The following TMTC1 variants were observed in gnomAD, a reference collection of about 807,000 sequenced individuals.
The protein encoded by TMTC1 is transmembrane O-mannosyltransferase targeting cadherins 1, also known as protein O-mannosyl-transferase TMTC1.
A neutral mutation model predicts 104.8 loss-of-function variants in TMTC1; 73 were observed. The ratio of observed to expected loss-of-function variants is 0.70; its 90% CI spans 0.58 to 0.85. The LOEUF (loss-of-function observed/expected upper bound fraction) is 0.85. Ranked by LOEUF, TMTC1 falls within the 40% of genes least tolerant of loss-of-function variation. The pLI is 0.00. For missense variants in TMTC1, 1,035 were observed against 1,096.1 expected (o/e 0.94, Z 0.79); for synonymous variants, 434 against 428.7 (o/e 1.01, Z -0.15).
At chr12:29,517,668 C>A in intron 13 of TMTC1, 97 bp from the exon 14 acceptor site, 1 of 1,409,004 alleles carries the variant, frequency 7.1e-7, no homozygotes, top group East Asian at 2.3e-5. Context: ...ATGGTTTGAA[C>A]CTCTGCTCCA....
At chr12:29,637,976 C>G (rs8181617) in intron 5 of TMTC1, among the ~76,000 whole-genome samples, 152,176 of 152,304 alleles carry the variant, frequency 1, 76,026 homozygotes, top group Middle Eastern at 1. Context: ...CTTAGGAAGG[C>G]CATTTGCCAC....
At chr12:29,726,053 G>T (rs931707011) in intron 5 of TMTC1, among the ~76,000 whole-genome samples, 21 of 152,114 alleles carry the variant, frequency 1.4e-4, no homozygotes, top group African/African-American at 4.6e-4. Context: ...TGACTGAGTT[G>T]GTTGCCAAGT....
At chr12:29,584,598 C>T (rs61922184) in intron 7 of TMTC1, among the ~76,000 whole-genome samples, 11 of 151,998 alleles carry the variant, frequency 7.2e-5, no homozygotes, top group Non-Finnish European at 1.2e-4. Flanking sequence ...CCCGCTTCCC[C>T]GACCCCACAA....
At chr12:29,629,627 AG>A (rs572522780) in intron 6 of TMTC1, among the ~76,000 whole-genome samples, 13 of 152,322 alleles carry the variant, frequency 8.5e-5, no homozygotes, top group African/African-American at 3.1e-4. Context: ...GCAAATTCAT[AG>A]AGACAGAAAG....
intron 5 of TMTC1, among the ~76,000 whole-genome samples, chr12:29,719,791 G>A (rs1489398557): frequency 6.6e-6 from 1 of 152,158 alleles, no homozygotes; most frequent in Non-Finnish European, 1.5e-5. Context: ...TGGTTTCTGA[G>A]AACTACTTAG....
In TMTC1 at chr12:29,504,148, G is replaced by A. The variant is rs1943650907; in HGVS notation, c.*2698C>T. The A allele has an allele frequency of 6.6e-6, 1 of 151,754 alleles. No homozygotes were observed. The highest frequency in any genetic ancestry group is 2.1e-4 in the South Asian group (1 of 4,796). 9.4% of individuals were successfully genotyped at this position (151,754 alleles called of 1,614,324 possible). ...ATTCAACTGAGCTCGGGGTGCTTCT[G>A]TATGCAAGGCCCTGTGGGACTGCAA... On this transcript the variant is annotated 3_prime_UTR_variant, in exon 18 of 18. Coordinates refer to ENST00000539277, the MANE Select transcript of TMTC1 (RefSeq NM_001193451.2).
chr12:29,754,668 T>C (rs1943173422), intron 4 of TMTC1, among the ~76,000 whole-genome samples: 1 of 152,138 alleles, frequency 6.6e-6, no homozygotes, highest in Non-Finnish European at 1.5e-5. Flanking sequence ...GGCTCACGGT[T>C]TTCTTGGCAC....
chr12:29,664,186 C>CA (rs1282668073), intron 5 of TMTC1, among the ~76,000 whole-genome samples: 7 of 127,174 alleles, frequency 5.5e-5, no homozygotes, highest in South Asian at 2.4e-4. Flanking sequence ...GACTCCGTCT[C>CA]AAAAAAATAA....
intron 5 of TMTC1, among the ~76,000 whole-genome samples, chr12:29,704,547 C>T (rs1034094709): frequency 3.3e-5 from 5 of 152,214 alleles, no homozygotes; most frequent in African/African-American, 1.2e-4. Context: ...AATCAAAACC[C>T]AGAAACCTCT....
At chr12:29,665,075 T>A (rs1048096354) in intron 5 of TMTC1, among the ~76,000 whole-genome samples, 1 of 152,152 alleles carries the variant, frequency 6.6e-6, no homozygotes, top group African/African-American at 2.4e-5. Flanking sequence ...GTCTAAAATA[T>A]TGTGATCCTT....
chr12:29,512,282 TTGA>T (rs1489551914), intron 16 of TMTC1, among the ~76,000 whole-genome samples, 162 bp from the exon 17 acceptor site: 1 of 152,212 alleles, frequency 6.6e-6, no homozygotes, highest in Non-Finnish European at 1.5e-5. Flanking sequence ...TTTTTCAAAG[TTGA>T]TGATTCTAAA....
In TMTC1 at chr12:29,767,981, A is replaced by C; in HGVS notation, c.397T>G (p.Cys133Gly). Residue 133 changes from cysteine (C) to glycine (G), a missense_variant, in exon 2 of 18, where the codon TGT (cysteine) becomes GGT (glycine). Cys to Gly is a radical substitution (Grantham distance 159). Coordinates refer to ENST00000539277, the MANE Select transcript of TMTC1 (RefSeq NM_001193451.2). ...CGATTCTTGAAGACAGTTTTATCAC[A>C]GGTGTACATCAGCACAAGAGTCACT... ...CLVTLVLMYTCDKTVFKNRGL... is the reference protein window; with the variant it reads ...CLVTLVLMYTGDKTVFKNRGL... The C allele has an allele frequency of 6.2e-7, 1 of 1,613,956 alleles. No individual in the cohort carries two copies. Among genetic ancestry groups the C allele is most frequent in the Non-Finnish European group, 8.5e-7 (1 of 1,179,900 alleles).
At chr12:29,762,508 G>C (rs181069658) in intron 2 of TMTC1, among the ~76,000 whole-genome samples, 59 of 152,202 alleles carry the variant, frequency 3.9e-4, no homozygotes, top group Non-Finnish European at 6.2e-4. Context: ...AACTTTATTA[G>C]ATAATCTAAT....
intron 5 of TMTC1, among the ~76,000 whole-genome samples, chr12:29,665,235 T>C (rs976664235): frequency 1.3e-5 from 2 of 152,184 alleles, no homozygotes; most frequent in Non-Finnish European, 1.5e-5. Flanking sequence ...CCTTCAAAAT[T>C]TGAAGTTGCA....
intron 11 of TMTC1, among the ~76,000 whole-genome samples, chr12:29,522,934 G>A (rs1214323423): frequency 6.6e-6 from 1 of 152,190 alleles, no homozygotes; most frequent in African/African-American, 2.4e-5. Context: ...CAGCACGTTG[G>A]TTTATCATGC....
At position 29,505,496 on chromosome 12, in the gene TMTC1, TAAAAC is replaced by T. The variant is rs1943677466; in HGVS notation, c.*1345_*1349del. 1 of 152,204 alleles carries T rather than the reference TAAAAC, an allele frequency of 6.6e-6. No homozygotes were observed. The allele number at this position is 152,204 out of a possible 1,614,324, so 9.4% of individuals were successfully genotyped here. Reference sequence around the variant, plus strand: ...CAACACAAAGTTTGGGAGGGACTGTTAAAACTTAACTATTTTACAATTTAGATTTA... The same window carrying T: ...CAACACAAAGTTTGGGAGGGACTGTTTTAACTATTTTACAATTTAGATTTA... On this transcript the variant is annotated 3_prime_UTR_variant, in exon 18 of 18. Transcript: ENST00000539277.
At chr12:29,638,700 T>A (rs1972682) in intron 5 of TMTC1, among the ~76,000 whole-genome samples, 33,079 of 151,722 alleles carry the variant, frequency 0.22, 4,046 homozygotes, top group African/African-American at 0.35. Flanking sequence ...AGCCAAAGAC[T>A]CTCCCCATGA....
intron 5 of TMTC1, among the ~76,000 whole-genome samples, chr12:29,682,011 T>C (rs978019967): frequency 2.0e-5 from 3 of 152,146 alleles, no homozygotes; most frequent in African/African-American, 7.2e-5. Context: ...ACTTATTTGA[T>C]AGAGAATTAG....
At position 29,754,700 on chromosome 12, in the gene TMTC1, T is replaced by C. The variant is rs1221163397; in HGVS notation, c.731+1009A>G. ...GCACGAGTTTGGGTCAAAGTGATTA[T>C]TTGGCTCCAAGTTTTTACAAGCCTC... On this transcript the variant is annotated intron_variant, in intron 4 of 17. Coordinates refer to ENST00000539277, the MANE Select transcript of TMTC1 (RefSeq NM_001193451.2). Among the ~76,000 whole-genome samples, 4 of 152,160 alleles carry C rather than the reference T, an allele frequency of 2.6e-5. No homozygotes were observed. The East Asian group carries it at 7.7e-4, about 29-fold the overall frequency.
Sources: allele counts gnomAD v4.1 joint callset (sites outside exome capture counted in the v4.1 genomes callset), GRCh38; gene constraint gnomAD v4.1.1; transcripts MANE v1.5; gene names NCBI Gene and HGNC (gene_info 2026-07-23, HGNC 2026-07-21).